TRAF3: variants seen among roughly 807,000 people sequenced by gnomAD.
The protein encoded by TRAF3 is TNF receptor associated factor 3, also known as TNF receptor-associated factor 3.
A neutral mutation model predicts 62.3 loss-of-function variants in TRAF3; 13 were observed. The observed-to-expected ratio is 0.21, with a 90% CI of 0.14 to 0.33. The LOEUF is 0.33. Among genes scored for constraint, TRAF3 ranks in the 10% least tolerant of loss-of-function variants. The pLI is 1.00. For synonymous variants in TRAF3, 269 were observed against 283.4 expected (o/e 0.95, Z 0.51); for missense variants, 440 against 741.8 (o/e 0.59, Z 4.73).
chr14:102,875,914 T>C (rs1422480449), intron 5 of TRAF3, among the ~76,000 whole-genome samples, 186 bp downstream of exon 5: 1 of 152,196 alleles, frequency 6.6e-6, no homozygotes, highest in East Asian at 1.9e-4. Context: ...ATGACATCAT[T>C]GGCAGAATTG....
intron 2 of TRAF3, among the ~76,000 whole-genome samples, chr14:102,864,020 T>C (rs1595372784): frequency 2.6e-5 from 4 of 152,208 alleles, no homozygotes; most frequent in African/African-American, 7.2e-5. Flanking sequence ...TAAAATGCCA[T>C]GGAACTCGCG....
chr14:102,787,612 G>A (rs532158802), intron 1 of TRAF3, among the ~76,000 whole-genome samples: 167 of 152,174 alleles, frequency 1.1e-3, no homozygotes, highest in African/African-American at 3.6e-3. Flanking sequence ...GCTTGAATTC[G>A]GGAGGTGGAG....
Position 102,826,145 on chromosome 14 carries a change from G to A in TRAF3, c.-156-4189G>A, listed in dbSNP as rs1900296770. On this transcript the variant is annotated intron_variant, in intron 1 of 11. Transcript: ENST00000392745. This position sits in a 1 kb window ranked among gnomAD's most constrained non-coding sequence, Gnocchi z 4.6. ...AGTTGGTGTCAGTGAACTCTGTTTT[G>A]GGTATCTACAAAAGCAGAAGGGGAG... 6.6e-6 allele frequency among the ~76,000 whole-genome samples: 1 copy of A among 152,072 alleles called. No homozygotes were observed. The highest frequency in any genetic ancestry group is 1.5e-5 in the Non-Finnish European group (1 of 68,020).
At chr14:102,821,519 A>G (rs1041302393) in intron 1 of TRAF3, among the ~76,000 whole-genome samples, 10 of 152,226 alleles carry the variant, frequency 6.6e-5, no homozygotes, top group African/African-American at 2.4e-4. Flanking sequence ...TTATTTAACA[A>G]GGTTGAAAAG....
chr14:102,845,110 A>T (rs1448030923), intron 2 of TRAF3, among the ~76,000 whole-genome samples: 1 of 151,588 alleles, frequency 6.6e-6, no homozygotes, highest in Non-Finnish European at 1.5e-5. Context: ...GTTAACTAGG[A>T]TGGACTTAAT....
chr14:102,785,370 G>A (rs1194786750), intron 1 of TRAF3, among the ~76,000 whole-genome samples: 2 of 152,154 alleles, frequency 1.3e-5, no homozygotes, highest in East Asian at 3.8e-4. Context: ...GCTTCTTACA[G>A]CTTGCTGAGT....
Position 102,891,364 on chromosome 14 carries a change from G to A in TRAF3, c.766G>A (p.Ala256Thr). ...QQIKAHEASS[A>T]VQHVNLLKEW... is the part of the protein sequence containing the mutation. ...GATCAAGGCCCACGAGGCCAGCTCC[G>A]CCGTGCAGCACGTCAACCTGCTGAA... Residue 256 changes from alanine (A) to threonine (T), a missense_variant, in exon 9 of 12, where the codon GCC becomes ACC. Around this residue, in one of 6 missense-constraint regions of TRAF3, gnomAD observed 255 missense variants for 424.1 expected, o/e 0.60. Transcript: ENST00000392745. 3.1e-6 allele frequency: 5 copies of A among 1,613,446 alleles called. No individual in the cohort carries two copies. Among genetic ancestry groups the A allele is most frequent in the Non-Finnish European group, 4.2e-6 (5 of 1,179,882 alleles).
intron 1 of TRAF3, among the ~76,000 whole-genome samples, chr14:102,787,857 C>CTT (rs1251817577): frequency 9.9e-5 from 12 of 120,722 alleles, no homozygotes; most frequent in South Asian, 2.8e-4. Context: ...TTTCCTTTTT[C>CTT]TTTTTTTTTT....
chr14:102,859,933 A>C (rs1017521343), intron 2 of TRAF3, among the ~76,000 whole-genome samples: 12 of 152,202 alleles, frequency 7.9e-5, no homozygotes, highest in African/African-American at 2.9e-4. Flanking sequence ...CCAAAACTTG[A>C]GGGTCCCATT....
chr14:102,862,452 C>G (rs1178866990), intron 2 of TRAF3, among the ~76,000 whole-genome samples: 1 of 151,532 alleles, frequency 6.6e-6, no homozygotes, highest in Non-Finnish European at 1.5e-5. Context: ...TTCTTTCAGC[C>G]CTTTAATTTG....
At position 102,837,120 on chromosome 14, in the gene TRAF3, G is replaced by T. The variant is rs11851854; in HGVS notation, c.-18+6648G>T. On this transcript the variant is annotated intron_variant, in intron 2 of 11. Coordinates refer to ENST00000392745, the MANE Select transcript of TRAF3 (RefSeq NM_145725.3). ...TAGCTAGAAATTAAGCAAGTAATTT[G>T]TGTGTGTGTGTGTGTGTGTGTGTTT... 6.1e-3 allele frequency among the ~76,000 whole-genome samples: 404 copies of T among 66,064 alleles called. 3 individuals are homozygous for T. The African/African-American group carries it at 0.079, about 13-fold the overall frequency. 43.3% of individuals were successfully genotyped at this position (66,064 alleles called of 152,430 possible). A position where few individuals can be genotyped will look rare whatever the true frequency, so the allele number is the denominator to read the frequency against.
intron 1 of TRAF3, among the ~76,000 whole-genome samples, chr14:102,781,354 G>T (rs1044484882): frequency 2.6e-5 from 4 of 152,184 alleles, no homozygotes; most frequent in African/African-American, 9.6e-5. Flanking sequence ...GAGCTCATGT[G>T]GGTCATGCAT....
At chr14:102,889,661 A>C (rs574139261) in intron 8 of TRAF3, 27 bp downstream of exon 8, 1 of 1,610,796 alleles carries the variant, frequency 6.2e-7, no homozygotes, top group Admixed American at 1.7e-5. Flanking sequence ...TGTCCTTCCC[A>C]GTCACTGACA....
chr14:102,788,802 CAAA>C (rs1897635616), intron 1 of TRAF3, among the ~76,000 whole-genome samples: 1 of 87,938 alleles, frequency 1.1e-5, no homozygotes, highest in Admixed American at 1.0e-4. Context: ...CATCTCAAAA[CAAA>C]ACAAAACAAA....
At chr14:102,821,125 G>A (rs1053599095) in intron 1 of TRAF3, among the ~76,000 whole-genome samples, 7 of 152,032 alleles carry the variant, frequency 4.6e-5, no homozygotes, top group East Asian at 3.8e-4. Context: ...CATTATTTCC[G>A]TAGCTTTTCT....
At chr14:102,829,807 C>T (rs1025021283) in intron 1 of TRAF3, among the ~76,000 whole-genome samples, 13 of 151,994 alleles carry the variant, frequency 8.6e-5, no homozygotes, top group Non-Finnish European at 5.9e-5. Context: ...TCTTCATTGC[C>T]GAAGATCTGT....
chr14:102,848,993 G>A (rs1264663197), intron 2 of TRAF3, among the ~76,000 whole-genome samples: 1 of 152,004 alleles, frequency 6.6e-6, no homozygotes, highest in Admixed American at 6.6e-5. Context: ...AAAATCATGG[G>A]GTCTTGCTAT....
chr14:102,870,382 T>G lies in TRAF3; in HGVS notation c.181T>G (p.Cys61Gly), dbSNP rs1385981615. 1.2e-6 allele frequency: 2 copies of G among 1,614,086 alleles called. No individual in the cohort carries two copies. The highest frequency in any genetic ancestry group is 1.7e-6 in the Non-Finnish European group (2 of 1,180,038). ...GTGTGAGAAGTGCCACCTGGTGCTG[T>G]GCAGCCCGAAGCAGACCGAGTGTGG... ...YKCEKCHLVL[C>G]SPKQTECGHR... Residue 61 changes from cysteine (C) to glycine (G), a missense_variant, in exon 3 of 12, where the codon TGC (cysteine) becomes GGC (glycine). This residue lies in a region of TRAF3 where 255 missense variants were observed against 424.1 expected (regional missense o/e 0.60). Transcript: ENST00000392745.
rs544122205 is a variant in TRAF3, at chr14:102,903,619, G to T, written c.1135+190G>T. ...CCCCCAGCAAAGACAAACGTTTCCCGCGCAGGCTTGTCCCCTCCGTGTGAG... is the reference window on the plus strand; with the variant it reads ...CCCCCAGCAAAGACAAACGTTTCCCTCGCAGGCTTGTCCCCTCCGTGTGAG... On this transcript the variant is annotated intron_variant, in intron 11 of 11. Transcript: ENST00000392745. This position sits in a 1 kb window ranked among gnomAD's most constrained non-coding sequence, Gnocchi z 6.4. The T allele has an allele frequency of 1.2e-6, 1 of 851,734 alleles. No homozygotes were observed. Among genetic ancestry groups the T allele is most frequent in the Non-Finnish European group, 1.9e-6 (1 of 525,414 alleles). The allele number at this position is 851,734 out of a possible 1,614,324, so 52.8% of individuals were successfully genotyped here.
Sources: allele counts gnomAD v4.1 joint callset (sites outside exome capture counted in the v4.1 genomes callset), GRCh38; gene constraint gnomAD v4.1.1; regional missense constraint gnomAD v4.1.1; non-coding constraint Gnocchi (gnomAD v3.1); transcripts MANE v1.5; gene names NCBI Gene and HGNC (gene_info 2026-07-23, HGNC 2026-07-21).